TDRD7: variants seen among roughly 807,000 people sequenced by gnomAD.
The protein encoded by TDRD7 is tudor domain-containing protein 7.
TDRD7 carries 47 observed loss-of-function variants against 109.8 expected under a neutral mutation model. The observed-to-expected ratio is 0.43, with a 90% confidence interval of 0.34 to 0.55. The LOEUF (loss-of-function observed/expected upper bound fraction) is 0.55. TDRD7 is among the 20% of genes least tolerant of loss of function. TDRD7 has a pLI of 0.03. For missense variants in TDRD7, 1,164 were observed against 1,319.2 expected, an observed-to-expected ratio of 0.88 and a Z score of 1.82; for synonymous variants, 424 against 457.3, an observed-to-expected ratio of 0.93 and a Z score of 0.93.
intron 1 of TDRD7, among the ~76,000 whole-genome samples, chr9:97,414,603 G>C (rs1204687063): frequency 6.6e-6 from 1 of 152,130 alleles, no homozygotes; most frequent in Non-Finnish European, 1.5e-5. Flanking sequence ...TTTTCGTCTA[G>C]TATGTAGACT....
intron 1 of TDRD7, among the ~76,000 whole-genome samples, chr9:97,425,117 T>A (rs899148619): frequency 6.6e-6 from 1 of 152,110 alleles, no homozygotes; most frequent in East Asian, 1.9e-4. Flanking sequence ...GTACCCCACA[T>A]GAGGGAATTT....
At position 97,464,975 on chromosome 9, in the gene TDRD7, G is replaced by C; in HGVS notation, c.1576G>C (p.Glu526Gln). The C allele has an allele frequency of 1.2e-6, 2 of 1,614,114 alleles. No individual in the cohort carries two copies. The highest frequency in any genetic ancestry group is 1.7e-6 in the Non-Finnish European group (2 of 1,180,008). The change falls in exon 8 of 17, where the codon GAG becomes CAG. Residue 526 changes from glutamate to glutamine, a missense_variant. Physicochemically the swap from Glu to Gln is conservative, Grantham distance 29. Around this residue, in one of 5 missense-constraint regions of TDRD7, gnomAD observed 261 missense variants for 336.2 expected, o/e 0.78. Transcript: ENST00000355295. Reference sequence around the variant, plus strand: ...GCAGTTGCTGGCCGTAAATGCCGAGGAGGACGCCTGGTTACGGGCACAGGT... The same window carrying C: ...GCAGTTGCTGGCCGTAAATGCCGAGCAGGACGCCTGGTTACGGGCACAGGT... Reference protein sequence around the residue: ...VGQLLAVNAEEDAWLRAQVIS... With the variant: ...VGQLLAVNAEQDAWLRAQVIS...
chr9:97,425,613 A>C (rs1421465995), intron 1 of TDRD7, among the ~76,000 whole-genome samples: 2 of 152,146 alleles, frequency 1.3e-5, no homozygotes, highest in Non-Finnish European at 2.9e-5. Flanking sequence ...ATGACTATAC[A>C]CACAAACACA....
intron 3 of TDRD7, among the ~76,000 whole-genome samples, 193 bp from the exon 4 acceptor site, chr9:97,431,832 G>C (rs1828108940): frequency 6.6e-6 from 1 of 152,134 alleles, no homozygotes; most frequent in South Asian, 2.1e-4. Flanking sequence ...GATGGATGAA[G>C]AACCTTATCT....
At chr9:97,483,418 T>C in intron 15 of TDRD7, 67 bp downstream of exon 15, 1 of 1,575,248 alleles carries the variant, frequency 6.3e-7, no homozygotes, top group Non-Finnish European at 8.6e-7. Flanking sequence ...GCCAGAGTCT[T>C]AATCTTGGCG....
intron 15 of TDRD7, 125 bp from the exon 16 acceptor site, chr9:97,487,047 A>G: frequency 1.8e-6 from 2 of 1,096,444 alleles, no homozygotes; most frequent in Non-Finnish European, 2.6e-6. Context: ...TTGAAAATAT[A>G]GTTTTAAATT....
At chr9:97,420,232 AAC>A (rs1317429703) in intron 1 of TDRD7, among the ~76,000 whole-genome samples, 1 of 152,136 alleles carries the variant, frequency 6.6e-6, no homozygotes, top group African/African-American at 2.4e-5. Context: ...ACATAGATGG[AAC>A]ACAAAGCACT....
chr9:97,491,690 G>A (rs1202087580), intron 16 of TDRD7, among the ~76,000 whole-genome samples: 1 of 152,218 alleles, frequency 6.6e-6, no homozygotes, highest in Non-Finnish European at 1.5e-5. Context: ...GGGGAGTGGA[G>A]TTGGGTATTT....
At chr9:97,424,899 G>T (rs1398432322) in intron 1 of TDRD7, among the ~76,000 whole-genome samples, 2 of 150,574 alleles carry the variant, frequency 1.3e-5, no homozygotes. Context: ...GCTTGCATAG[G>T]TATTGTCTTA....
chr9:97,421,272 T>G (rs1293103569), intron 1 of TDRD7, among the ~76,000 whole-genome samples: 4 of 152,260 alleles, frequency 2.6e-5, no homozygotes, highest in African/African-American at 9.6e-5. Flanking sequence ...AAAATTAAGC[T>G]GCTCTAATAG....
At chr9:97,464,780 T>C in intron 7 of TDRD7, 62 bp from the exon 8 acceptor site, 1 of 1,593,128 alleles carries the variant, frequency 6.3e-7, no homozygotes, top group East Asian at 2.2e-5. Context: ...CAAAAACGAA[T>C]TCCTATTGCT....
At chr9:97,446,545 A>G (rs1267765419) in intron 6 of TDRD7, among the ~76,000 whole-genome samples, 2 of 152,222 alleles carry the variant, frequency 1.3e-5, no homozygotes, top group Non-Finnish European at 2.9e-5. Flanking sequence ...TGGTTTTATT[A>G]TATATCATTT....
intron 1 of TDRD7, among the ~76,000 whole-genome samples, chr9:97,413,599 G>T (rs1306180037): frequency 6.6e-6 from 1 of 152,212 alleles, no homozygotes; most frequent in Non-Finnish European, 1.5e-5. Flanking sequence ...GCACATGGTG[G>T]ATATTTTTGC....
intron 11 of TDRD7, 24 bp downstream of exon 11, chr9:97,473,650 C>T: frequency 1.2e-6 from 2 of 1,613,124 alleles, no homozygotes; most frequent in Admixed American, 1.7e-5. Context: ...TCTTCTACCT[C>T]TAAAATTAGC....
chr9:97,427,930 C>A (rs996876892), intron 1 of TDRD7, among the ~76,000 whole-genome samples: 1 of 152,098 alleles, frequency 6.6e-6, no homozygotes, highest in Admixed American at 6.6e-5. Context: ...CTAAGGCCCC[C>A]GTTACTTTTG....
chr9:97,438,317 C>A (rs1213475479), intron 4 of TDRD7, among the ~76,000 whole-genome samples: 1 of 152,138 alleles, frequency 6.6e-6, no homozygotes, highest in East Asian at 1.9e-4. Flanking sequence ...AAATGTGCTT[C>A]ATTTCAAGGA....
At chr9:97,483,852 G>A (rs1052423492) in intron 15 of TDRD7, among the ~76,000 whole-genome samples, 4 of 151,902 alleles carry the variant, frequency 2.6e-5, no homozygotes, top group Non-Finnish European at 5.9e-5. Context: ...CTAACATTAT[G>A]TCATGAACAT....
chr9:97,433,252 T>C (rs142311174), intron 4 of TDRD7, among the ~76,000 whole-genome samples: 1 of 152,082 alleles, frequency 6.6e-6, no homozygotes, highest in East Asian at 1.9e-4. Context: ...TTGGTACTAA[T>C]TTTTTATATT....
intron 16 of TDRD7, among the ~76,000 whole-genome samples, chr9:97,494,694 G>A (rs1035924318): frequency 4.4e-5 from 6 of 135,432 alleles, no homozygotes; most frequent in East Asian, 2.1e-4. Flanking sequence ...ATATATATAT[G>A]TATATATATA....
Sources: gnomAD v4.1 joint callset for allele counts (sites outside exome capture counted in the v4.1 genomes callset) on GRCh38, gnomAD v4.1.1 for gene constraint, gnomAD v4.1.1 regional missense constraint, MANE v1.5 for transcripts, NCBI Gene and HGNC (gene_info 2026-07-23, HGNC 2026-07-21) for gene names.